The following PAM variants were observed in gnomAD, a reference collection of about 807,000 sequenced individuals.
The protein encoded by PAM is peptidyl-glycine alpha-amidating monooxygenase.
In PAM, 72 loss-of-function variants were observed where a neutral mutation model predicts 122.1. The ratio of observed to expected loss-of-function variants is 0.59; its 90% CI spans 0.49 to 0.72. The LOEUF is 0.72. Among genes scored for constraint, PAM ranks in the 30% least tolerant of loss-of-function variants. The pLI is 0.00. For synonymous variants in PAM, 389 were observed against 404.4 expected, an observed-to-expected ratio of 0.96 and a Z score of 0.46; for missense variants, 1,106 against 1,183.7, an observed-to-expected ratio of 0.93 and a Z score of 0.96.
chr5:103,002,014 A>G (rs900871840), intron 16 of PAM, among the ~76,000 whole-genome samples: 2 of 152,020 alleles, frequency 1.3e-5, no homozygotes, highest in Non-Finnish European at 1.5e-5. Context: ...AAACACACAC[A>G]CATACACACC....
chr5:102,875,715 G>A (rs1581208442), intron 3 of PAM, among the ~76,000 whole-genome samples: 1 of 152,204 alleles, frequency 6.6e-6, no homozygotes, highest in Admixed American at 6.5e-5. Flanking sequence ...TTTGACTTGT[G>A]AGCCATATAG....
At chr5:102,881,287 AAAAGT>A (rs1266637591) in intron 3 of PAM, among the ~76,000 whole-genome samples, 1 of 152,040 alleles carries the variant, frequency 6.6e-6, no homozygotes, top group Non-Finnish European at 1.5e-5. Context: ...AGCCCAAAAG[AAAAGT>A]AAATTAGGAA....
chr5:102,949,604 C>T lies in PAM; in HGVS notation c.711C>T (p.His237=), dbSNP rs764303980. 2 of 1,442,534 alleles carry T rather than the reference C, an allele frequency of 1.4e-6. No individual in the cohort carries two copies. Among genetic ancestry groups the T allele is most frequent in the Non-Finnish European group, 2.0e-6 (2 of 1,024,040 alleles). The allele number at this position is 1,442,534 out of a possible 1,614,324, so 89.4% of individuals were successfully genotyped here. A position where few individuals can be genotyped will look rare whatever the true frequency, so the allele number is the denominator to read the frequency against. Residue 237 remains histidine, a synonymous_variant, in exon 10 of 26, where the codon CAC becomes CAT. Transcript: ENST00000438793. The stretch of plus-strand genomic sequence containing the variant: ...TGCATGTCTTTGCCTATAGAGTTCA[C>T]ACTCACCATTTAGGTAAGAACTTTA... The part of the protein sequence containing the change: ...YPMHVFAYRV[H]THHLGKVVSG...
chr5:103,023,129 C>A (rs756748316), intron 23 of PAM, among the ~76,000 whole-genome samples: 15 of 152,070 alleles, frequency 9.9e-5, no homozygotes, highest in Non-Finnish European at 1.9e-4. Flanking sequence ...TTAGTAAGTT[C>A]ATTGCCTCAT....
In PAM at chr5:102,872,905, C is replaced by T. The variant is rs571133397; in HGVS notation, c.210+5512C>T. On this transcript the variant is annotated intron_variant, in intron 3 of 25. Transcript: ENST00000438793. Reference sequence around the variant, plus strand: ...TAAAAACTCAGAGTAAAATTAGCAACGGGGCCTACTTGAGGGTGGAGGGTG... The same window carrying T: ...TAAAAACTCAGAGTAAAATTAGCAATGGGGCCTACTTGAGGGTGGAGGGTG... Among the ~76,000 whole-genome samples, 9 of 152,080 alleles carry T rather than the reference C, an allele frequency of 5.9e-5. No homozygotes were observed. In the East Asian group the frequency reaches 7.7e-4, roughly 13 times the overall value.
At chr5:102,898,431 C>G (rs1025020800) in intron 3 of PAM, among the ~76,000 whole-genome samples, 4 of 151,524 alleles carry the variant, frequency 2.6e-5, no homozygotes, top group Non-Finnish European at 5.9e-5. Context: ...ATTATAGAAG[C>G]ATCCTTACTA....
chr5:102,950,951 A>G, intron 12 of PAM, 131 bp downstream of exon 12: 1 of 593,592 alleles, frequency 1.7e-6, no homozygotes, highest in South Asian at 2.2e-5. Flanking sequence ...AAACTGTGGC[A>G]TTTTATCATT....
chr5:102,878,397 T>C lies in PAM; in HGVS notation c.210+11004T>C, dbSNP rs372631623. On this transcript the variant is annotated intron_variant, in intron 3 of 25. Transcript: ENST00000438793. ...TAACAGTATAGCACATACAATTCTG[T>C]ATAGTACATAATACTTGATAATGAA... Among the ~76,000 whole-genome samples, 3 of 152,294 alleles carry C rather than the reference T, an allele frequency of 2.0e-5. No homozygotes were observed. The East Asian group carries it at 5.8e-4, about 29-fold the overall frequency.
chr5:103,028,810 T>C, intron 25 of PAM, 77 bp from the exon 26 acceptor site: 2 of 963,830 alleles, frequency 2.1e-6, no homozygotes, highest in Non-Finnish European at 3.1e-6. Context: ...CTTCTGACTT[T>C]ATCATTTAAG....
chr5:102,939,904 T>A (rs1754543383), intron 7 of PAM, among the ~76,000 whole-genome samples: 1 of 151,990 alleles, frequency 6.6e-6, no homozygotes, highest in South Asian at 2.1e-4. Context: ...CCTTAAAAAA[T>A]ATATATATTC....
chr5:102,922,463 G>T (rs868167398), intron 5 of PAM, among the ~76,000 whole-genome samples: 2 of 152,162 alleles, frequency 1.3e-5, no homozygotes, highest in African/African-American at 4.8e-5. Context: ...TTAAAAAAGG[G>T]GGTGTTGTCT....
At chr5:102,850,106 GT>G (rs1253704406) in intron 1 of PAM, among the ~76,000 whole-genome samples, 1 of 151,930 alleles carries the variant, frequency 6.6e-6, no homozygotes, top group Non-Finnish European at 1.5e-5. Flanking sequence ...GTTATTCCTT[GT>G]TCCCATTCAT....
intron 1 of PAM, among the ~76,000 whole-genome samples, chr5:102,782,810 T>G (rs980492655): frequency 1.3e-5 from 2 of 151,830 alleles, no homozygotes; most frequent in African/African-American, 4.8e-5. Context: ...GTTGGCTTTT[T>G]TGTCAATCAG....
intron 1 of PAM, among the ~76,000 whole-genome samples, chr5:102,782,508 TGAAAG>T (rs1442526356): frequency 1.3e-5 from 2 of 152,302 alleles, no homozygotes; most frequent in Non-Finnish European, 2.9e-5. Flanking sequence ...GAAAGATACT[TGAAAG>T]GAAAACATCT....
chr5:103,025,406 TTTGA>T (rs1255717728), intron 24 of PAM, 72 bp downstream of exon 24: 1 of 1,241,732 alleles, frequency 8.1e-7, no homozygotes, highest in Non-Finnish European at 1.2e-6. Flanking sequence ...TCCTCAGGAG[TTTGA>T]TTGGGATTTT....
At chr5:102,848,606 G>A (rs543751256) in intron 1 of PAM, among the ~76,000 whole-genome samples, 1 of 152,250 alleles carries the variant, frequency 6.6e-6, no homozygotes, top group South Asian at 2.1e-4. Context: ...TTTTTAGGGA[G>A]GTGTCTGGAG....
chr5:102,931,558 A>G (rs1751517175), intron 7 of PAM, among the ~76,000 whole-genome samples: 1 of 152,092 alleles, frequency 6.6e-6, no homozygotes, highest in African/African-American at 2.4e-5. Flanking sequence ...CTCTCCTCTC[A>G]TTTTTAGAAT....
rs143649666 is a variant in PAM at position 102,780,741 on chromosome 5, TTTTC to T, written c.-374+25403_-374+25406del. 8.3e-3 allele frequency among the ~76,000 whole-genome samples: 1,203 copies of T among 145,772 alleles called. 22 individuals carry two copies. The highest frequency in any genetic ancestry group is 0.023 in the East Asian group (105 of 4,490). ...GGCAGGTTTCTTAACCTCAGCACCT[TTTTC>T]TTTCTTTCTCTTTCTTTCTTTCTTT... On this transcript the variant is annotated intron_variant, in intron 1 of 25. Coordinates refer to ENST00000438793, the MANE Select transcript of PAM (RefSeq NM_001177306.2).
At chr5:102,939,677 G>A (rs1754453781) in intron 7 of PAM, among the ~76,000 whole-genome samples, 1 of 151,790 alleles carries the variant, frequency 6.6e-6, no homozygotes, top group African/African-American at 2.4e-5. Flanking sequence ...TAAACATATT[G>A]AATGACTGAA....
Sources: allele counts gnomAD v4.1 joint callset (sites outside exome capture counted in the v4.1 genomes callset), GRCh38; gene constraint gnomAD v4.1.1; transcripts MANE v1.5; gene names NCBI Gene and HGNC (gene_info 2026-07-23, HGNC 2026-07-21).